Variants in GYPC observed in about 807,000 individuals in gnomAD.
GYPC encodes the protein glycophorin C (Gerbich blood group).
GYPC carries 14 observed loss-of-function variants against 12.6 expected under a neutral mutation model. The observed-to-expected ratio is 1.11, with a 90% CI of 0.74 to 1.74. GYPC has a LOEUF of 1.74. GYPC is among the 40% of genes most tolerant of loss of function. The pLI is 0.00. For synonymous variants in GYPC, 78 were observed against 62.1 expected (o/e 1.26, Z -1.20); for missense variants, 225 against 172.1 (o/e 1.31, Z -1.72).
chr2:126,687,671 C>T (rs908473215), intron 1 of GYPC, among the ~76,000 whole-genome samples: 6 of 152,210 alleles, frequency 3.9e-5, no homozygotes, highest in Non-Finnish European at 8.8e-5. Flanking sequence ...TCCTGCCCAC[C>T]ACGCTCCTCA....
At chr2:126,670,555 G>C (rs772963906) in intron 1 of GYPC, among the ~76,000 whole-genome samples, 8 of 152,170 alleles carry the variant, frequency 5.3e-5, no homozygotes, top group African/African-American at 4.8e-5. Flanking sequence ...ATGTGCCTGC[G>C]CTCTGACAAG....
intron 2 of GYPC, among the ~76,000 whole-genome samples, chr2:126,692,240 C>T (rs1683492783): frequency 6.6e-6 from 1 of 151,976 alleles, no homozygotes; most frequent in African/African-American, 2.4e-5. Flanking sequence ...TCACTGGGTC[C>T]CTGGGCTGCC....
intron 1 of GYPC, among the ~76,000 whole-genome samples, chr2:126,660,219 C>G (rs1328034110): frequency 6.6e-6 from 1 of 152,256 alleles, no homozygotes; most frequent in Admixed American, 6.5e-5. Flanking sequence ...CTGCCTCCCC[C>G]AGCTCCTCAG....
At chr2:126,668,437 C>A (rs1035318762) in intron 1 of GYPC, among the ~76,000 whole-genome samples, 3 of 152,184 alleles carry the variant, frequency 2.0e-5, no homozygotes, top group East Asian at 1.9e-4. Flanking sequence ...AGGGAGGACA[C>A]TTTGAGGCCT....
intron 1 of GYPC, chr2:126,686,482 C>G: frequency 1.0e-6 from 1 of 985,572 alleles, no homozygotes; most frequent in Non-Finnish European, 1.2e-6. Context: ...CCACTCCCAA[C>G]TCCACAAAGA....
At chr2:126,686,617 A>G (rs1683298482) in intron 1 of GYPC, 2 of 982,768 alleles carry the variant, frequency 2.0e-6, no homozygotes, top group South Asian at 4.7e-5. Context: ...TGAGCAAGAC[A>G]AGCCTGAACG....
chr2:126,674,846 C>A (rs529103807), intron 1 of GYPC, among the ~76,000 whole-genome samples: 2 of 152,288 alleles, frequency 1.3e-5, no homozygotes, highest in South Asian at 4.1e-4. Flanking sequence ...CAGAAGTTAA[C>A]TTTTTTCCTC....
At chr2:126,690,874 G>A (rs1408294600) in intron 2 of GYPC, among the ~76,000 whole-genome samples, 1 of 137,262 alleles carries the variant, frequency 7.3e-6, no homozygotes, top group Non-Finnish European at 1.6e-5. Flanking sequence ...GGGAGGTGCT[G>A]TGTGCTCTGC....
chr2:126,686,127 A>T (rs1434539077), intron 1 of GYPC: 1 of 985,346 alleles, frequency 1.0e-6, no homozygotes, highest in African/African-American at 1.7e-5. Context: ...AGAACTTTTT[A>T]GCACAGTGTC....
chr2:126,696,335 C>T lies in GYPC; in HGVS notation c.*193C>T. The T allele has an allele frequency of 1.7e-6, 1 of 605,444 alleles. No homozygotes were observed. The highest frequency in any genetic ancestry group is 1.8e-5 in the South Asian group (1 of 54,610). 37.5% of individuals were successfully genotyped at this position (605,444 alleles called of 1,614,324 possible). Reference sequence around the variant, plus strand: ...GGAGGACTCGCGCTACAAGAGGCCACTCCCAGGGACCCAGGGAGGCGATGG... The same window carrying T: ...GGAGGACTCGCGCTACAAGAGGCCATTCCCAGGGACCCAGGGAGGCGATGG... On this transcript the variant is annotated 3_prime_UTR_variant, in exon 4 of 4. Transcript: ENST00000259254.
Position 126,693,933 on chromosome 2 carries a change from T to A in GYPC, c.176T>A (p.Ile59Asn). ...ACCTCCACCCCCACCATAATGGACA[T>A]TGTCGTCATTGCAGGTGAGCTCTCA... ...METSTPTIMD[I>N]VVIAGVIAAV... is the part of the protein sequence containing the mutation. The change falls in exon 3 of 4, where the codon ATT becomes AAT. Residue 59 changes from isoleucine to asparagine, a missense_variant. By Grantham distance (149) the Ile-to-Asn change is moderately radical. Coordinates refer to ENST00000259254, the MANE Select transcript of GYPC (RefSeq NM_002101.5). 1 of 1,608,254 alleles carries A rather than the reference T, an allele frequency of 6.2e-7. No homozygotes were observed. The highest frequency in any genetic ancestry group is 2.2e-5 in the East Asian group (1 of 44,826).
chr2:126,682,463 G>A (rs543930950), intron 1 of GYPC, among the ~76,000 whole-genome samples: 48 of 152,286 alleles, frequency 3.2e-4, no homozygotes, highest in Non-Finnish European at 6.5e-4. Context: ...TAGATTCTCC[G>A]AGTCCTCCAC....
intron 2 of GYPC, 30 bp downstream of exon 2, chr2:126,690,341 A>G: frequency 1.3e-6 from 2 of 1,527,116 alleles, no homozygotes; most frequent in Non-Finnish European, 9.1e-7. Context: ...CCTCACCATA[A>G]TGGAAACTGC....
chr2:126,665,468 C>T (rs1682651658), intron 1 of GYPC, among the ~76,000 whole-genome samples: 1 of 152,156 alleles, frequency 6.6e-6, no homozygotes, highest in Non-Finnish European at 1.5e-5. Context: ...AAAGCATCCC[C>T]CATAGGTAAG....
intron 1 of GYPC, among the ~76,000 whole-genome samples, chr2:126,685,411 T>G (rs1463980559): frequency 6.6e-6 from 1 of 150,978 alleles, no homozygotes; most frequent in Non-Finnish European, 1.5e-5. Flanking sequence ...TTGAGAGGGA[T>G]TCTCACTCTG....
intron 1 of GYPC, 86 bp from the exon 2 acceptor site, chr2:126,690,169 G>A: frequency 2.1e-6 from 2 of 972,048 alleles, no homozygotes; most frequent in South Asian, 1.3e-5. Flanking sequence ...GCTCACACCT[G>A]AGCAAAGGAT....
chr2:126,695,841 G>C, intron 3 of GYPC, 105 bp from the exon 4 acceptor site: 1 of 844,196 alleles, frequency 1.2e-6, no homozygotes, highest in Non-Finnish European at 2.1e-6. Flanking sequence ...TCTTTTGGTT[G>C]TGGCATTGTA....
At chr2:126,657,343 A>AGTCTGCACTGGGATC (rs1682391479) in intron 1 of GYPC, among the ~76,000 whole-genome samples, 1 of 152,244 alleles carries the variant, frequency 6.6e-6, no homozygotes, top group East Asian at 1.9e-4. Flanking sequence ...GAGGCCCCTC[A>AGTCTGCACTGGGATC]GTCTGCACTG....
chr2:126,664,314 G>A lies in GYPC; in HGVS notation c.49+8002G>A, dbSNP rs28387105. Among the ~76,000 whole-genome samples the A allele has an allele frequency of 3.9e-3, 591 of 152,070 alleles. 5 individuals are homozygous for A. Among genetic ancestry groups the A allele is most frequent in the African/African-American group, 0.013 (557 of 41,456 alleles). On this transcript the variant is annotated intron_variant, in intron 1 of 3. Transcript: ENST00000259254. ...AGTAGAGATGAGGCTCCACTCCACAGACGCCATCTCATTTAGCCCTCTGGC... is the reference window on the plus strand; with the variant it reads ...AGTAGAGATGAGGCTCCACTCCACAAACGCCATCTCATTTAGCCCTCTGGC...
Sources: allele counts gnomAD v4.1 joint callset (sites outside exome capture counted in the v4.1 genomes callset), GRCh38; gene constraint gnomAD v4.1.1; transcripts MANE v1.5; gene names NCBI Gene and HGNC (gene_info 2026-07-23, HGNC 2026-07-21).